FYB1: variants seen among roughly 807,000 people sequenced by gnomAD.
FYB1 encodes FYN-binding protein 1.
In FYB1, 41 loss-of-function variants were observed where a neutral mutation model predicts 94.1. The observed-to-expected ratio is 0.44, with a 90% CI of 0.34 to 0.57. FYB1 has a LOEUF of 0.57. Among genes scored for constraint, FYB1 ranks in the 20% least tolerant of loss-of-function variants. The pLI is 0.02. For missense variants in FYB1, 1,050 were observed against 976.8 expected (o/e 1.07, Z -1.00); for synonymous variants, 367 against 353.2 (o/e 1.04, Z -0.44).
chr5:39,209,949 G>A (rs1020850201), intron 1 of FYB1, among the ~76,000 whole-genome samples: 1 of 152,230 alleles, frequency 6.6e-6, no homozygotes, highest in Admixed American at 6.5e-5. Flanking sequence ...TTGCAAATGG[G>A]CTGTGATGCA....
chr5:39,167,061 G>A (rs1416309456), intron 2 of FYB1, among the ~76,000 whole-genome samples: 1 of 152,124 alleles, frequency 6.6e-6, no homozygotes, highest in Non-Finnish European at 1.5e-5. Flanking sequence ...TTGGTGCAAA[G>A]GTAATTGCGG....
chr5:39,133,122 C>G (rs1741350774), intron 9 of FYB1, among the ~76,000 whole-genome samples: 1 of 152,168 alleles, frequency 6.6e-6, no homozygotes, highest in African/African-American at 2.4e-5. Context: ...TATAAAAGAT[C>G]ATAAGAGGAA....
At position 39,202,120 on chromosome 5, in the gene FYB1, C is replaced by A. The variant is rs751387668; in HGVS notation, c.841G>T (p.Glu281Ter). 1 of 1,613,848 alleles carries A rather than the reference C, an allele frequency of 6.2e-7. No individual in the cohort carries two copies. The highest frequency in any genetic ancestry group is 8.5e-7 in the Non-Finnish European group (1 of 1,179,846). Residue 281 changes from glutamate (E) to a stop codon, truncating the protein, a stop_gained, in exon 2 of 19, where the codon GAA (glutamate) becomes TAA (stop). Coordinates refer to ENST00000512982, the MANE Select transcript of FYB1 (RefSeq NM_001465.6). LOFTEE classifies it high-confidence loss of function. ...TCTATCTTCCTATCTTCCTTTTTTT[C>A]TTCACCATTTTTGGAGAGACCTGGG... ...GGPGLSKNGE[E>*]KKEDRKIDAA...
At chr5:39,132,809 GCA>G (rs916530593) in intron 9 of FYB1, among the ~76,000 whole-genome samples, 1 of 152,002 alleles carries the variant, frequency 6.6e-6, no homozygotes, top group Non-Finnish European at 1.5e-5. Context: ...AAAACAAAAG[GCA>G]CACACAAAGT....
At chr5:39,107,556 C>T in intron 18 of FYB1, 91 bp from the exon 19 acceptor site, 1 of 774,474 alleles carries the variant, frequency 1.3e-6, no homozygotes, top group Non-Finnish European at 2.0e-6. Context: ...TTCATACTCT[C>T]CTGGTTAAGG....
intron 1 of FYB1, among the ~76,000 whole-genome samples, chr5:39,216,106 C>G (rs564411331): frequency 6.6e-6 from 1 of 152,200 alleles, no homozygotes; most frequent in African/African-American, 2.4e-5. Flanking sequence ...GAACATGGTT[C>G]TACTGACACC....
intron 6 of FYB1, chr5:39,138,416 G>A (rs1741855777): frequency 2.8e-6 from 1 of 356,264 alleles, no homozygotes; most frequent in Non-Finnish European, 5.1e-6. Flanking sequence ...CCTGACTGTG[G>A]TTTATCTCAG....
At chr5:39,141,050 C>T (rs765702475) in intron 4 of FYB1, 45 bp downstream of exon 4, 14 of 1,369,686 alleles carry the variant, frequency 1.0e-5, no homozygotes, top group Admixed American at 2.0e-5. Context: ...AACTTCTGTA[C>T]CTGAGTTTAC....
At chr5:39,193,996 C>T (rs1230798058) in intron 2 of FYB1, among the ~76,000 whole-genome samples, 1 of 152,182 alleles carries the variant, frequency 6.6e-6, no homozygotes, top group Non-Finnish European at 1.5e-5. Context: ...AGTGTGACCC[C>T]TATTCATATA....
Position 39,209,466 on chromosome 5 carries a change from C to T in FYB1, c.-27-6479G>A, listed in dbSNP as rs755286978. On this transcript the variant is annotated intron_variant, in intron 1 of 18. Coordinates refer to ENST00000512982, the MANE Select transcript of FYB1 (RefSeq NM_001465.6). Reference sequence around the variant, plus strand: ...CTCAGCCTCCGAGCAGGTGGGACTACAGGCATGCACCACCACGCCTGGCTA... The same window carrying T: ...CTCAGCCTCCGAGCAGGTGGGACTATAGGCATGCACCACCACGCCTGGCTA... 3.7e-4 allele frequency among the ~76,000 whole-genome samples: 56 copies of T among 151,990 alleles called. 1 individual carries two copies. The Middle Eastern group carries it at 0.014, about 37-fold the overall frequency.
intron 9 of FYB1, among the ~76,000 whole-genome samples, chr5:39,133,034 A>C (rs186168411): frequency 6.6e-6 from 1 of 152,380 alleles, no homozygotes; most frequent in East Asian, 1.9e-4. Context: ...CATGGTAAGA[A>C]GGCATAGCCG....
chr5:39,235,785 A>G (rs1306418927), intron 1 of FYB1, among the ~76,000 whole-genome samples: 4 of 152,086 alleles, frequency 2.6e-5, no homozygotes, highest in African/African-American at 9.7e-5. Flanking sequence ...ATCAGCTGCC[A>G]TAAATGAAAT....
intron 3 of FYB1, among the ~76,000 whole-genome samples, chr5:39,150,117 T>C (rs1743109467): frequency 6.6e-6 from 1 of 152,076 alleles, no homozygotes. Flanking sequence ...ATTCCCGCAC[T>C]GGGCCCCAGA....
chr5:39,142,043 C>T (rs1037570131), intron 3 of FYB1, among the ~76,000 whole-genome samples: 2 of 152,152 alleles, frequency 1.3e-5, no homozygotes, highest in Admixed American at 1.3e-4. Context: ...TTACAAATCC[C>T]TAATTATGTA....
chr5:39,176,342 GGTTTC>G (rs1745733437), intron 2 of FYB1, among the ~76,000 whole-genome samples: 2 of 151,344 alleles, frequency 1.3e-5, no homozygotes, highest in African/African-American at 4.9e-5. Context: ...GTAGATACAG[GGTTTC>G]ACCAGTTGGC....
intron 1 of FYB1, among the ~76,000 whole-genome samples, chr5:39,261,965 C>T (rs1752239578): frequency 6.6e-6 from 1 of 152,024 alleles, no homozygotes. Context: ...ATATTAGATG[C>T]CTGCCTTGCA....
chr5:39,242,422 G>A (rs111983179), intron 1 of FYB1, among the ~76,000 whole-genome samples: 13,704 of 152,008 alleles, frequency 0.09, 710 homozygotes, highest in Non-Finnish European at 0.11. Flanking sequence ...AATTTGTTGA[G>A]AATGATGGTT....
At position 39,127,790 on chromosome 5, in the gene FYB1, G is replaced by A. The variant is rs1740831692; in HGVS notation, c.1858C>T (p.Pro620Ser). The A allele has an allele frequency of 1.9e-6, 3 of 1,603,110 alleles. No individual in the cohort carries two copies. The highest frequency in any genetic ancestry group is 1.7e-6 in the Non-Finnish European group (2 of 1,174,698). ...SGSGGIFPPP[P>S]DDDIYDGIEE... ...ATCCCATCATAAATGTCATCATCTG[G>A]TGGTGGAGGGAATATCCCTTCATTT... Residue 620 changes from proline to serine, a missense_variant, in exon 11 of 19, where the codon CCA becomes TCA. Coordinates refer to ENST00000512982, the MANE Select transcript of FYB1 (RefSeq NM_001465.6).
At chr5:39,145,262 T>A (rs1439991956) in intron 3 of FYB1, among the ~76,000 whole-genome samples, 4 of 152,198 alleles carry the variant, frequency 2.6e-5, no homozygotes, top group African/African-American at 9.7e-5. Context: ...TTTAATAGAT[T>A]TATGAGAGTC....
Sources: allele counts gnomAD v4.1 joint callset (sites outside exome capture counted in the v4.1 genomes callset), GRCh38; gene constraint gnomAD v4.1.1; transcripts MANE v1.5; gene names NCBI Gene and HGNC (gene_info 2026-07-23, HGNC 2026-07-21).